Variants in GRIN2B observed in about 807,000 individuals in gnomAD.
The protein encoded by GRIN2B is glutamate receptor ionotropic, NMDA 2B.
In GRIN2B, 5 loss-of-function variants were observed where a neutral mutation model predicts 114.5. The observed-to-expected ratio is 0.04, with a 90% CI of 0.02 to 0.09. The LOEUF is 0.09. GRIN2B is among the 10% of genes least tolerant of loss of function. GRIN2B has a pLI of 1.00. For missense variants in GRIN2B, 1,108 were observed against 1,943.5 expected, an observed-to-expected ratio of 0.57 and a Z score of 8.08; for synonymous variants, 787 against 745.1, an observed-to-expected ratio of 1.06 and a Z score of -0.92.
At chr12:13,665,904 C>T (rs977810107) in intron 5 of GRIN2B, among the ~76,000 whole-genome samples, 16 of 152,154 alleles carry the variant, frequency 1.1e-4, no homozygotes, top group African/African-American at 2.9e-4. Context: ...TAAATATTCA[C>T]TATGAATTTT....
At chr12:13,567,305 A>T in intron 12 of GRIN2B, 42 bp from the exon 13 acceptor site, 1 of 1,411,828 alleles carries the variant, frequency 7.1e-7, no homozygotes, top group Non-Finnish European at 1.0e-6. Flanking sequence ...AAAAGAGGAG[A>T]CAGGAAAGGA....
chr12:13,552,526 A>C lies in GRIN2B; in HGVS notation c.*10257T>G, dbSNP rs752257121. On this transcript the variant is annotated 3_prime_UTR_variant, in exon 14 of 14. Transcript: ENST00000609686. ...ATTTGTAGGCAAAATAATTGACATG[A>C]ACAGTTCATGGCTAAAATGCCTAGA... 4 of 152,116 alleles carry C rather than the reference A, an allele frequency of 2.6e-5. No individual in the cohort carries two copies. Among genetic ancestry groups the C allele is most frequent in the Non-Finnish European group, 5.9e-5 (4 of 68,006 alleles). 9.4% of individuals were successfully genotyped at this position (152,116 alleles called of 1,614,324 possible).
intron 3 of GRIN2B, among the ~76,000 whole-genome samples, chr12:13,807,848 C>T (rs1352566599): frequency 6.6e-6 from 1 of 151,050 alleles, no homozygotes; most frequent in Admixed American, 6.6e-5. Flanking sequence ...GCAGGACTGT[C>T]ATAGAATCAG....
At chr12:13,647,027 A>G (rs1012432227) in intron 5 of GRIN2B, among the ~76,000 whole-genome samples, 16 of 152,106 alleles carry the variant, frequency 1.1e-4, no homozygotes, top group Admixed American at 2.0e-4. Context: ...AAATGAATTC[A>G]GCCAATGAGC....
intron 5 of GRIN2B, among the ~76,000 whole-genome samples, chr12:13,629,981 G>T (rs1949603725): frequency 6.6e-6 from 1 of 152,124 alleles, no homozygotes; most frequent in Non-Finnish European, 1.5e-5. Context: ...GCATATCTCG[G>T]CCTCACAACT....
At chr12:13,908,786 C>T (rs559579560) in intron 2 of GRIN2B, among the ~76,000 whole-genome samples, 1 of 152,312 alleles carries the variant, frequency 6.6e-6, no homozygotes, top group South Asian at 2.1e-4. Context: ...CGTTTCAAGT[C>T]ATCTCCCCTT....
chr12:13,639,714 G>T (rs1329164712), intron 5 of GRIN2B, among the ~76,000 whole-genome samples: 1 of 152,114 alleles, frequency 6.6e-6, no homozygotes, highest in African/African-American at 2.4e-5. Flanking sequence ...CTCTGCTGGG[G>T]TTCCACACTT....
intron 3 of GRIN2B, among the ~76,000 whole-genome samples, chr12:13,784,019 C>T (rs576777136): frequency 5.9e-5 from 9 of 151,806 alleles, no homozygotes; most frequent in Admixed American, 2.0e-4. Context: ...TTCAGGAGAT[C>T]GAGACCATCC....
chr12:13,680,445 TGTG>T (rs1950119311), intron 4 of GRIN2B, among the ~76,000 whole-genome samples: 1 of 90,904 alleles, frequency 1.1e-5, no homozygotes, highest in African/African-American at 3.4e-5. Context: ...GTTGTGTGTG[TGTG>T]TGTGTGTGTG....
chr12:13,824,974 A>G (rs541642775), intron 3 of GRIN2B, among the ~76,000 whole-genome samples: 14 of 147,934 alleles, frequency 9.5e-5, no homozygotes, highest in Non-Finnish European at 1.5e-4. Context: ...TATTCTGTTT[A>G]TCTTACTCTT....
intron 3 of GRIN2B, among the ~76,000 whole-genome samples, chr12:13,844,864 T>C (rs1435381411): frequency 6.6e-6 from 1 of 152,174 alleles, no homozygotes; most frequent in Non-Finnish European, 1.5e-5. Flanking sequence ...TGAAAGGTAA[T>C]ATTTTGTTAT....
chr12:13,934,673 C>CTGCTCTGGT (rs1867096894), intron 2 of GRIN2B, among the ~76,000 whole-genome samples: 10 of 151,658 alleles, frequency 6.6e-5, no homozygotes, highest in African/African-American at 2.4e-4. Flanking sequence ...ATCTGGCCAT[C>CTGCTCTGGT]ACGTACAACT....
intron 12 of GRIN2B, 43 bp from the exon 13 acceptor site, chr12:13,567,306 C>G (rs764465057): frequency 7.1e-7 from 1 of 1,410,602 alleles, no homozygotes; most frequent in African/African-American, 1.4e-5. Flanking sequence ...AAAGAGGAGA[C>G]AGGAAAGGAG....
At chr12:13,817,390 G>A (rs933681376) in intron 3 of GRIN2B, among the ~76,000 whole-genome samples, 11 of 152,074 alleles carry the variant, frequency 7.2e-5, no homozygotes, top group African/African-American at 2.2e-4. Context: ...TCGGGAACTC[G>A]ACAGGGCATA....
chr12:13,843,028 T>C (rs1865408911), intron 3 of GRIN2B, among the ~76,000 whole-genome samples: 1 of 26,716 alleles, frequency 3.7e-5, no homozygotes, highest in Non-Finnish European at 8.6e-5. Context: ...AATTTTTTAT[T>C]ATTTATTTAT....
rs181802839 is a variant in GRIN2B, at chr12:13,544,561, T to A, written c.*18222A>T. On this transcript the variant is annotated 3_prime_UTR_variant, in exon 14 of 14. Coordinates refer to ENST00000609686, the MANE Select transcript of GRIN2B (RefSeq NM_000834.5). ...TCATCATTTCTACTTGCAACATCTG[T>A]AGACACCTTAAACTATAAGGCTTTC... The A allele has an allele frequency of 4.6e-5, 7 of 152,328 alleles. No homozygotes were observed. The highest frequency in any genetic ancestry group is 3.9e-4 in the Admixed American group (6 of 15,294). The allele number at this position is 152,328 out of a possible 1,614,324, so 9.4% of individuals were successfully genotyped here.
At chr12:13,586,876 T>C (rs1363293488) in intron 10 of GRIN2B, among the ~76,000 whole-genome samples, 4 of 152,230 alleles carry the variant, frequency 2.6e-5, no homozygotes, top group Non-Finnish European at 4.4e-5. Flanking sequence ...TACTGCCTTA[T>C]GCTGTGGACA....
At chr12:13,777,588 A>G (rs1415573487) in intron 3 of GRIN2B, among the ~76,000 whole-genome samples, 2 of 152,334 alleles carry the variant, frequency 1.3e-5, no homozygotes, top group African/African-American at 2.4e-5. Context: ...CTGGGATTCA[A>G]GGCCCCTAAA....
intron 3 of GRIN2B, among the ~76,000 whole-genome samples, chr12:13,826,655 G>A (rs1865041375): frequency 6.6e-6 from 1 of 150,566 alleles, no homozygotes; most frequent in Non-Finnish European, 1.5e-5. Context: ...TTTTAGTTTG[G>A]GATTTACTGA....
Sources: gnomAD v4.1 joint callset for allele counts (sites outside exome capture counted in the v4.1 genomes callset) on GRCh38, gnomAD v4.1.1 for gene constraint, MANE v1.5 for transcripts, NCBI Gene and HGNC (gene_info 2026-07-23, HGNC 2026-07-21) for gene names.